Variants in DOCK1 observed in about 807,000 individuals in gnomAD.
DOCK1 encodes the protein dedicator of cytokinesis protein 1.
DOCK1 carries 138 observed loss-of-function variants against 262.7 expected under a neutral mutation model. That is an observed-to-expected ratio of 0.53 (90% CI 0.46 to 0.61). The LOEUF (loss-of-function observed/expected upper bound fraction) is 0.61, where lower values mean the gene tolerates loss of function less well. Among genes scored for constraint, DOCK1 ranks in the 20% least tolerant of loss-of-function variants. DOCK1 has a pLI of 0.00. For missense variants in DOCK1, 1,908 were observed against 2,370.7 expected, an observed-to-expected ratio of 0.80 and a Z score of 4.05; for synonymous variants, 866 against 867.4, an observed-to-expected ratio of 1.00 and a Z score of 0.03.
At chr10:127,284,802 A>T (rs2061088854) in intron 29 of DOCK1, among the ~76,000 whole-genome samples, 1 of 152,042 alleles carries the variant, frequency 6.6e-6, no homozygotes, top group African/African-American at 2.4e-5. Flanking sequence ...TTAGTACCAC[A>T]TTGTTTTAAT....
At chr10:127,407,950 G>T (rs952812420) in intron 40 of DOCK1, among the ~76,000 whole-genome samples, 3 of 152,098 alleles carry the variant, frequency 2.0e-5, no homozygotes, top group African/African-American at 4.8e-5. Context: ...ATGGGTGGGG[G>T]GAGGCAGAAG....
intron 27 of DOCK1, among the ~76,000 whole-genome samples, chr10:127,197,400 T>G (rs1010881307): frequency 1.3e-5 from 2 of 151,980 alleles, no homozygotes; most frequent in African/African-American, 4.8e-5. Context: ...CAAAGAGTAT[T>G]GGGTGTTTTG....
chr10:127,220,826 T>C (rs191429970), intron 27 of DOCK1, among the ~76,000 whole-genome samples: 2 of 152,180 alleles, frequency 1.3e-5, no homozygotes, highest in Non-Finnish European at 2.9e-5. Flanking sequence ...CTCTTTTGAA[T>C]ACTCTGCTTA....
chr10:127,028,467 A>G (rs1264794772), intron 16 of DOCK1, among the ~76,000 whole-genome samples: 1 of 152,200 alleles, frequency 6.6e-6, no homozygotes, highest in Non-Finnish European at 1.5e-5. Flanking sequence ...TACTTCCCAC[A>G]TTACAGATGA....
rs1348695642 is a variant in DOCK1 at position 127,451,482 on chromosome 10, T to G, written c.*55T>G. On this transcript the variant is annotated 3_prime_UTR_variant, in exon 52 of 52. Transcript: ENST00000623213. ...TGCCCCTCCCCATCTCCATGCCCTC[T>G]CCTTCTGTGTCCCCTGAGTCTGCTG... 2 of 1,548,666 alleles carry G rather than the reference T, an allele frequency of 1.3e-6. No individual in the cohort carries two copies. The highest frequency in any genetic ancestry group is 1.7e-6 in the Non-Finnish European group (2 of 1,146,742).
chr10:127,397,190 A>G (rs1312230583), intron 38 of DOCK1, among the ~76,000 whole-genome samples: 6 of 124,226 alleles, frequency 4.8e-5, no homozygotes, highest in South Asian at 2.8e-4. Context: ...TTACACGGGC[A>G]GCGTCTCCTG....
At chr10:127,269,007 G>C (rs2060471927) in intron 29 of DOCK1, among the ~76,000 whole-genome samples, 1 of 152,134 alleles carries the variant, frequency 6.6e-6, no homozygotes, top group South Asian at 2.1e-4. Flanking sequence ...CCAGCCAGAG[G>C]CCACCTTCAG....
chr10:127,182,272 T>A (rs2055808534), intron 27 of DOCK1, among the ~76,000 whole-genome samples: 1 of 152,176 alleles, frequency 6.6e-6, no homozygotes, highest in South Asian at 2.1e-4. Context: ...CCCCCACTCA[T>A]GCATATCTGC....
At chr10:126,949,149 A>T (rs1268514225) in intron 1 of DOCK1, among the ~76,000 whole-genome samples, 1 of 151,872 alleles carries the variant, frequency 6.6e-6, no homozygotes, top group Non-Finnish European at 1.5e-5. Context: ...TCCCCTCTGC[A>T]CTTGTTTGCT....
At chr10:127,275,591 C>T (rs371572305) in intron 29 of DOCK1, among the ~76,000 whole-genome samples, 3 of 151,996 alleles carry the variant, frequency 2.0e-5, no homozygotes, top group South Asian at 4.2e-4. Flanking sequence ...TGGAGATGAG[C>T]GGATGATGGG....
At chr10:127,381,498 T>C in intron 37 of DOCK1, 130 bp downstream of exon 37, 2 of 692,718 alleles carry the variant, frequency 2.9e-6, no homozygotes, top group South Asian at 3.0e-5. Flanking sequence ...ACTAAATAAA[T>C]GCAAGGATAT....
chr10:127,175,767 T>C lies in DOCK1; in HGVS notation c.2847+48003T>C, dbSNP rs771096143. 12 of 1,614,172 alleles carry C rather than the reference T, an allele frequency of 7.4e-6. No individual in the cohort carries two copies. The East Asian group carries it at 2.7e-4, about 36-fold the overall frequency. ...TTCGGATGGAGGCCGAGTGGAGTTT[T>C]GGAGCGCAGCTTCTCCATAGCTGAG... On this transcript the variant is annotated intron_variant, in intron 27 of 51. Coordinates refer to ENST00000623213, the MANE Select transcript of DOCK1 (RefSeq NM_001290223.2). The surrounding 1 kb of genome is among the most constrained non-coding windows in gnomAD (Gnocchi z 6.3).
chr10:127,146,985 G>A (rs565955223), intron 27 of DOCK1, among the ~76,000 whole-genome samples: 1 of 152,296 alleles, frequency 6.6e-6, no homozygotes, highest in African/African-American at 2.4e-5. Context: ...GCCAGTGTGC[G>A]TGATTTTATC....
At chr10:127,002,773 T>C (rs1027335365) in intron 10 of DOCK1, among the ~76,000 whole-genome samples, 2 of 152,316 alleles carry the variant, frequency 1.3e-5, no homozygotes, top group African/African-American at 2.4e-5. Flanking sequence ...TCCCCTGATA[T>C]CTGCTGATCA....
chr10:127,397,487 C>A (rs111812931), intron 38 of DOCK1, among the ~76,000 whole-genome samples: 14 of 148,578 alleles, frequency 9.4e-5, no homozygotes, highest in South Asian at 4.4e-4. Flanking sequence ...ATGAGTTACA[C>A]GGGCAGCAAC....
Position 127,026,407 on chromosome 10 carries a change from A to G in DOCK1, c.1607A>G (p.His536Arg). Residue 536 changes from histidine to arginine, a missense_variant, in exon 16 of 52, where the codon CAC becomes CGC. His to Arg is a conservative substitution (Grantham distance 29). Coordinates refer to ENST00000623213, the MANE Select transcript of DOCK1 (RefSeq NM_001290223.2). ...AGTCACCTTCGGTTTACCTTCCGCC[A>G]CAGGTCATCACAGGACTGTGAGTAG... Reference protein sequence around the residue: ...NRSHLRFTFRHRSSQDSKDKS... With the variant: ...NRSHLRFTFRRRSSQDSKDKS... 1 of 1,578,496 alleles carries G rather than the reference A, an allele frequency of 6.3e-7. No homozygotes were observed. Among genetic ancestry groups the G allele is most frequent in the Non-Finnish European group, 8.6e-7 (1 of 1,160,792 alleles).
At chr10:127,104,233 T>G (rs1013203536) in intron 23 of DOCK1, among the ~76,000 whole-genome samples, 1 of 152,222 alleles carries the variant, frequency 6.6e-6, no homozygotes, top group African/African-American at 2.4e-5. Flanking sequence ...TCTTCTGTTA[T>G]CTCAGTAGTA....
intron 27 of DOCK1, among the ~76,000 whole-genome samples, chr10:127,243,769 C>T (rs1293063086): frequency 6.6e-6 from 1 of 152,120 alleles, no homozygotes; most frequent in African/African-American, 2.4e-5. Flanking sequence ...AGAAATGGAA[C>T]TAGATCAGGG....
At chr10:127,022,202 C>T (rs553746100) in intron 13 of DOCK1, among the ~76,000 whole-genome samples, 2 of 152,132 alleles carry the variant, frequency 1.3e-5, no homozygotes, top group African/African-American at 4.8e-5. Flanking sequence ...TTGTTCTTCT[C>T]TCTGTGGTCC....
Sources: gnomAD v4.1 joint callset for allele counts (sites outside exome capture counted in the v4.1 genomes callset) on GRCh38, gnomAD v4.1.1 for gene constraint, Gnocchi (gnomAD v3.1) non-coding constraint, MANE v1.5 for transcripts, NCBI Gene and HGNC (gene_info 2026-07-23, HGNC 2026-07-21) for gene names.